STAT1: variants seen among roughly 807,000 people sequenced by gnomAD.
STAT1 encodes the protein signal transducer and activator of transcription 1-alpha/beta.
A neutral mutation model predicts 111.7 loss-of-function variants in STAT1; 24 were observed. The ratio of observed to expected loss-of-function variants is 0.21; its 90% CI spans 0.16 to 0.30. The LOEUF (loss-of-function observed/expected upper bound fraction) is 0.30. Ranked by LOEUF, STAT1 falls within the 10% of genes least tolerant of loss-of-function variation. The pLI is 1.00. For missense variants in STAT1, 351 were observed against 911.9 expected, an observed-to-expected ratio of 0.38 and a Z score of 7.92; for synonymous variants, 332 against 326.5, an observed-to-expected ratio of 1.02 and a Z score of -0.18.
chr2:190,999,516 T>C lies in STAT1; in HGVS notation c.541+110A>G. 1 of 790,872 alleles carries C rather than the reference T, an allele frequency of 1.3e-6. No individual in the cohort carries two copies. 49.0% of individuals were successfully genotyped at this position (790,872 alleles called of 1,614,324 possible). On this transcript the variant is annotated intron_variant, in intron 7 of 24. Transcript: ENST00000361099. The surrounding 1 kb of genome is among the most constrained non-coding windows in gnomAD (Gnocchi z 4.1). ...CCTGGCCTGGGTTATCAAGGAAGAA[T>C]TCAGAGTCATAAAATACTCGGCAAA... is the stretch of plus-strand genomic sequence containing the variant.
Position 190,981,904 on chromosome 2 carries a change from A to G in STAT1, c.1582+479T>C, listed in dbSNP as rs1326944747. 1.3e-5 allele frequency among the ~76,000 whole-genome samples: 2 copies of G among 152,216 alleles called. No individual in the cohort carries two copies. The highest frequency in any genetic ancestry group is 4.8e-5 in the African/African-American group (2 of 41,460). On this transcript the variant is annotated intron_variant, in intron 18 of 24. Transcript: ENST00000361099. This position sits in a 1 kb window ranked among gnomAD's most constrained non-coding sequence, Gnocchi z 4.1. ...CCAATCAGGCAAAACTGCAGATCAAAAGAGGCATCCTCTTGTGGGGACGGC... is the reference window on the plus strand; with the variant it reads ...CCAATCAGGCAAAACTGCAGATCAAGAGAGGCATCCTCTTGTGGGGACGGC...
intron 4 of STAT1, 86 bp downstream of exon 4, chr2:191,008,877 G>T: frequency 7.1e-7 from 1 of 1,410,966 alleles, no homozygotes. Context: ...CAATAAGTGT[G>T]TGCTCAATTG....
chr2:191,001,863 C>T (rs922299879), intron 5 of STAT1, among the ~76,000 whole-genome samples: 1 of 152,138 alleles, frequency 6.6e-6, no homozygotes, highest in Admixed American at 6.5e-5. Flanking sequence ...GCTCTAGGCT[C>T]GGGTGTTAGA....
chr2:190,975,938 A>C lies in STAT1; in HGVS notation c.2060-51T>G. The C allele has an allele frequency of 6.7e-7, 1 of 1,493,878 alleles. No individual in the cohort carries two copies. Among genetic ancestry groups the C allele is most frequent in the Non-Finnish European group, 9.3e-7 (1 of 1,071,488 alleles). 92.5% of individuals were successfully genotyped at this position (1,493,878 alleles called of 1,614,324 possible). On this transcript the variant is annotated intron_variant, in intron 22 of 24. Transcript: ENST00000361099. This position sits in a 1 kb window ranked among gnomAD's most constrained non-coding sequence, Gnocchi z 5.9. ...TTTCCATCAACCGAAATTCCATCAG[A>C]ATACAACATCAACTTTTCGGGGGGA...
rs923863441 is a variant in STAT1, at chr2:190,969,628, T to G, written c.*1075A>C. On this transcript the variant is annotated 3_prime_UTR_variant, in exon 25 of 25. Transcript: ENST00000361099. ...ACCATTCGCAAATGTGAAAAACACA[T>G]ATATCAGCGAAACATATGCAGTTCT... The G allele has an allele frequency of 1.8e-4, 27 of 152,198 alleles. No individual in the cohort carries two copies. Among genetic ancestry groups the G allele is most frequent in the African/African-American group, 6.3e-4 (26 of 41,462 alleles). 9.4% of individuals were successfully genotyped at this position (152,198 alleles called of 1,614,324 possible).
Position 190,999,762 on chromosome 2 carries a change from G to T in STAT1, c.463-58C>A. On this transcript the variant is annotated intron_variant, in intron 6 of 24. Coordinates refer to ENST00000361099, the MANE Select transcript of STAT1 (RefSeq NM_007315.4). This position sits in a 1 kb window ranked among gnomAD's most constrained non-coding sequence, Gnocchi z 4.1. ...GATCAGCAACTTCCAAAGACTTTAG[G>T]CAACAGAGTATTGCTTCTATGGAAC... 8.0e-7 allele frequency: 1 copy of T among 1,254,632 alleles called. No individual in the cohort carries two copies. Among genetic ancestry groups the T allele is most frequent in the Non-Finnish European group, 1.2e-6 (1 of 858,204 alleles). 77.7% of individuals were successfully genotyped at this position (1,254,632 alleles called of 1,614,324 possible).
chr2:190,998,453 GA>G lies in STAT1; in HGVS notation c.542-146del. On this transcript the variant is annotated intron_variant, in intron 7 of 24. Transcript: ENST00000361099. The surrounding 1 kb of genome is among the most constrained non-coding windows in gnomAD (Gnocchi z 4.1). ...GCTTTCTTCGATCTTTAATGAACATGAAAAAAAGTCCTAAGTATAACAACTA... is the reference window on the plus strand; with the variant it reads ...GCTTTCTTCGATCTTTAATGAACATGAAAAAAGTCCTAAGTATAACAACTA... 5.7e-6 allele frequency: 4 copies of G among 704,098 alleles called. No homozygotes were observed. Among genetic ancestry groups the G allele is most frequent in the Non-Finnish European group, 7.5e-6 (3 of 401,060 alleles). 43.6% of individuals were successfully genotyped at this position (704,098 alleles called of 1,614,324 possible). A position where few individuals can be genotyped will look rare whatever the true frequency, so the allele number is the denominator to read the frequency against.
rs773677518 is a variant in STAT1 at position 190,982,554 on chromosome 2, C to T, written c.1447-36G>A. The T allele has an allele frequency of 2.5e-5, 40 of 1,611,780 alleles. No homozygotes were observed. Among genetic ancestry groups the T allele is most frequent in the Non-Finnish European group, 3.3e-5 (39 of 1,178,030 alleles). Reference sequence around the variant, plus strand: ...AACACCCAAAATCTAAGGGTTACTACAGAGACACCAGTCACAAGTGTGGCA... The same window carrying T: ...AACACCCAAAATCTAAGGGTTACTATAGAGACACCAGTCACAAGTGTGGCA... On this transcript the variant is annotated intron_variant, in intron 17 of 24. Transcript: ENST00000361099. The surrounding 1 kb of genome is among the most constrained non-coding windows in gnomAD (Gnocchi z 7.3).
intron 10 of STAT1, among the ~76,000 whole-genome samples, chr2:190,994,451 TTGAGAGCC>T (rs1693657457): frequency 6.6e-6 from 1 of 151,744 alleles, no homozygotes. Flanking sequence ...AAAGGAGGAT[TTGAGAGCC>T]TGAGACATGA....
rs1692916400 is a variant in STAT1 at position 190,987,174 on chromosome 2, T to C, written c.1098-106A>G. The C allele has an allele frequency of 1.2e-6, 1 of 859,618 alleles. No individual in the cohort carries two copies. The allele number at this position is 859,618 out of a possible 1,614,324, so 53.2% of individuals were successfully genotyped here. ...CATAAGAGTGTAAGTGAATGATGAA[T>C]AAAAAATAAATCTACACCTATGGAT... On this transcript the variant is annotated intron_variant, in intron 12 of 24. Coordinates refer to ENST00000361099, the MANE Select transcript of STAT1 (RefSeq NM_007315.4). This position sits in a 1 kb window ranked among gnomAD's most constrained non-coding sequence, Gnocchi z 4.0.
Position 191,007,578 on chromosome 2 carries a change from G to A in STAT1, c.357C>T (p.Ala119=), listed in dbSNP as rs1471077781. ...LKEERKILEN[A]QRFNQAQSGN... Reference sequence around the variant, plus strand: ...AAAAAAGTACCTGATTAAATCTCTGGGCGTTTTCCAGAATTTTCCTTTCTT... The same window carrying A: ...AAAAAAGTACCTGATTAAATCTCTGAGCGTTTTCCAGAATTTTCCTTTCTT... The change falls in exon 5 of 25, where the codon GCC becomes GCT. Residue 119 remains alanine, a synonymous_variant. Transcript: ENST00000361099. This position sits in a 1 kb window ranked among gnomAD's most constrained non-coding sequence, Gnocchi z 4.2. 6.2e-7 allele frequency: 1 copy of A among 1,612,848 alleles called. No individual in the cohort carries two copies. Among genetic ancestry groups the A allele is most frequent in the Non-Finnish European group, 8.5e-7 (1 of 1,179,262 alleles).
Position 190,971,645 on chromosome 2 carries a change from G to T in STAT1, c.2239-928C>A, listed in dbSNP as rs1158481060. Among the ~76,000 whole-genome samples the T allele has an allele frequency of 1.3e-5, 2 of 152,010 alleles. No individual in the cohort carries two copies. The highest frequency in any genetic ancestry group is 2.9e-5 in the Non-Finnish European group (2 of 68,018). ...GCTCTTAGGAAAATTATTTTGGATT[G>T]AAAAGCACAGTGAAAGTGTTGCCCC... On this transcript the variant is annotated intron_variant, in intron 24 of 24. Coordinates refer to ENST00000361099, the MANE Select transcript of STAT1 (RefSeq NM_007315.4). This position sits in a 1 kb window ranked among gnomAD's most constrained non-coding sequence, Gnocchi z 4.1.
At chr2:190,972,967 A>T (rs1436425845) in intron 24 of STAT1, among the ~76,000 whole-genome samples, 1 of 152,112 alleles carries the variant, frequency 6.6e-6, no homozygotes, top group Non-Finnish European at 1.5e-5. Context: ...TGTGCTTAGC[A>T]TATTTAAATT....
rs995072629 is a variant in STAT1, at chr2:191,004,250, G to A, written c.373-3087C>T. On this transcript the variant is annotated intron_variant, in intron 5 of 24. Transcript: ENST00000361099. This position sits in a 1 kb window ranked among gnomAD's most constrained non-coding sequence, Gnocchi z 5.0. ...AGTCCTTAACTTTTTAACTTTCTAA[G>A]AAACCAGGAGTACTGAAACCACGGG... 5.3e-5 allele frequency among the ~76,000 whole-genome samples: 8 copies of A among 152,194 alleles called. No individual in the cohort carries two copies. The highest frequency in any genetic ancestry group is 1.9e-4 in the African/African-American group (8 of 41,444).
Position 190,980,862 on chromosome 2 carries a change from C to T in STAT1, c.1583-193G>A, listed in dbSNP as rs1032868726. Among the ~76,000 whole-genome samples the T allele has an allele frequency of 2.6e-5, 4 of 152,080 alleles. No individual in the cohort carries two copies. Among genetic ancestry groups the T allele is most frequent in the Admixed American group, 1.3e-4 (2 of 15,276 alleles). ...AATTATAATACGTGCTGTAAGAGGG[C>T]GGAATTTAAATGGTCTAAAATATGT... On this transcript the variant is annotated intron_variant, in intron 18 of 24. Transcript: ENST00000361099. The surrounding 1 kb of genome is among the most constrained non-coding windows in gnomAD (Gnocchi z 6.1).
chr2:191,007,810 C>A lies in STAT1; in HGVS notation c.274-149G>T, dbSNP rs575122840. 68 of 683,488 alleles carry A rather than the reference C, an allele frequency of 9.9e-5. No homozygotes were observed. In the African/African-American group the frequency reaches 1.0e-3, roughly 10 times the overall value. The allele number at this position is 683,488 out of a possible 1,614,324, so 42.3% of individuals were successfully genotyped here. A position where few individuals can be genotyped will look rare whatever the true frequency, so the allele number is the denominator to read the frequency against. On this transcript the variant is annotated intron_variant, in intron 4 of 24. Transcript: ENST00000361099. The surrounding 1 kb of genome is among the most constrained non-coding windows in gnomAD (Gnocchi z 4.2). ...CTATATAAGCTATGTTTGTTAAAAT[C>A]AAAATATTTCTTTCACGAATTATGA...
chr2:190,975,151 A>C lies in STAT1; in HGVS notation c.2136-219T>G, dbSNP rs191035296. Among the ~76,000 whole-genome samples the C allele has an allele frequency of 1.8e-3, 270 of 152,292 alleles. 1 individual carries two copies. Among genetic ancestry groups the C allele is most frequent in the African/African-American group, 6.3e-3 (263 of 41,562 alleles). ...TTGGGAAATGTTTCACACTCCAGGG[A>C]TGTGATAAGCAATAGCCAGACTGGA... On this transcript the variant is annotated intron_variant, in intron 23 of 24. Coordinates refer to ENST00000361099, the MANE Select transcript of STAT1 (RefSeq NM_007315.4). This position sits in a 1 kb window ranked among gnomAD's most constrained non-coding sequence, Gnocchi z 5.9.
rs545989507 is a variant in STAT1, at chr2:190,994,195, G to A, written c.944+866C>T. 1.1e-4 allele frequency among the ~76,000 whole-genome samples: 16 copies of A among 152,324 alleles called. No individual in the cohort carries two copies. In the South Asian group the frequency reaches 2.3e-3, roughly 22 times the overall value. ...GAGAGCCACAGAAAAGCAAGTATGC[G>A]GCATGGCCCCTATAGGAATCAGCAA... is the stretch of plus-strand genomic sequence containing the variant. On this transcript the variant is annotated intron_variant, in intron 10 of 24. Transcript: ENST00000361099.
Position 190,983,929 on chromosome 2 carries a change from A to T in STAT1, c.1348-189T>A, listed in dbSNP as rs1185519515. Among the ~76,000 whole-genome samples the T allele has an allele frequency of 6.6e-6, 1 of 152,222 alleles. No individual in the cohort carries two copies. The highest frequency in any genetic ancestry group is 2.4e-5 in the African/African-American group (1 of 41,446). ...GTCTTTGATGTATCTTTCAGTTAAG[A>T]AATAAGTCCCTAAAAATAATAATAG... On this transcript the variant is annotated intron_variant, in intron 16 of 24. Transcript: ENST00000361099. The surrounding 1 kb of genome is among the most constrained non-coding windows in gnomAD (Gnocchi z 5.7).
Sources: allele counts gnomAD v4.1 joint callset (sites outside exome capture counted in the v4.1 genomes callset), GRCh38; gene constraint gnomAD v4.1.1; non-coding constraint Gnocchi (gnomAD v3.1); transcripts MANE v1.5; gene names NCBI Gene and HGNC (gene_info 2026-07-23, HGNC 2026-07-21).